Variants in PIR observed in about 807,000 individuals in gnomAD.
PIR encodes pirin (iron-binding nuclear protein).
PIR carries 22 observed loss-of-function variants against 24.2 expected under a neutral mutation model. The ratio of observed to expected loss-of-function variants is 0.91; its 90% confidence interval spans 0.65 to 1.30. PIR has a LOEUF of 1.30. Ranked by LOEUF, PIR falls within the 50% of genes most tolerant of loss-of-function variation. The pLI, the probability that PIR is intolerant of heterozygous loss-of-function variation, is 0.00. For synonymous variants in PIR, 80 were observed against 79.6 expected (o/e 1.00, Z -0.03); for missense variants, 220 against 220.3 (o/e 1.00, Z 0.01).
intron 5 of PIR, among the ~76,000 whole-genome samples, chrX:15,440,621 A>G (rs141919496): frequency 0.023 from 2,555 of 111,618 alleles, 25 homozygotes; most frequent in Non-Finnish European, 0.038. Flanking sequence ...CATCCTTGCC[A>G]GCACTTCACA....
rs1343063780 is a variant in PIR at position 15,407,527 on chromosome X, T to C, written c.589A>G (p.Ile197Val). 44 of 1,202,539 alleles carry C rather than the reference T, an allele frequency of 3.7e-5. No homozygotes were observed. In the East Asian group the frequency reaches 3.8e-4, roughly 10 times the overall value. ...TTACCAATATACACATCTCCAGATA[T>C]CGTGTAAATGAAGCTTGTCCACCCT... ...PKGWTSFIYT[I>V]SGDVYIGPDD... The change falls in exon 7 of 10, where the codon ATA becomes GTA. Residue 197 changes from isoleucine to valine, a missense_variant. Coordinates refer to ENST00000380420, the MANE Select transcript of PIR (RefSeq NM_001018109.3).
chrX:15,465,020 C>T (rs942865145), intron 3 of PIR, among the ~76,000 whole-genome samples: 1 of 111,440 alleles, frequency 9.0e-6, no homozygotes, highest in African/African-American at 3.3e-5. Flanking sequence ...AAGTGGACAT[C>T]AAGATTTTTT....
At chrX:15,442,301 C>T (rs1925941633) in intron 5 of PIR, among the ~76,000 whole-genome samples, 1 of 111,152 alleles carries the variant, frequency 9.0e-6, no homozygotes, top group South Asian at 3.8e-4. Context: ...CGACATAAGA[C>T]ACATCGAACT....
intron 2 of PIR, among the ~76,000 whole-genome samples, chrX:15,486,337 C>T (rs1476275653): frequency 1.2e-5 from 1 of 81,006 alleles, no homozygotes; most frequent in African/African-American, 5.2e-5. Flanking sequence ...CTTGTGGCCA[C>T]CACCCCTCAG....
chrX:15,393,441 A>C (rs931051947), intron 8 of PIR, among the ~76,000 whole-genome samples: 6 of 111,460 alleles, frequency 5.4e-5, no homozygotes, highest in African/African-American at 2.0e-4. Context: ...TCTGAGTATG[A>C]ATCTAAGGCA....
chrX:15,395,435 C>T (rs144257814), intron 8 of PIR, among the ~76,000 whole-genome samples: 1,690 of 111,615 alleles, frequency 0.015, 31 homozygotes, highest in African/African-American at 0.053. Flanking sequence ...AACCTATAGA[C>T]AATATGGAAA....
rs201327459 is a variant in PIR at position 15,491,233 on chromosome X, G to C, written c.25C>G (p.Leu9Val). Residue 9 changes from leucine (L) to valine (V), a missense_variant, in exon 2 of 10, where the codon CTC (leucine) becomes GTC (valine). Physicochemically the swap from Leu to Val is conservative, Grantham distance 32. Coordinates refer to ENST00000380420, the MANE Select transcript of PIR (RefSeq NM_001018109.3). Reference sequence around the variant, plus strand: ...GACTGCTCCCGGCTGAGCACTGAGAGAGTAACTTTCTTGGAGGACCCCATA... The same window carrying C: ...GACTGCTCCCGGCTGAGCACTGAGACAGTAACTTTCTTGGAGGACCCCATA... The part of the protein sequence containing the change: MGSSKKVT[L>V]SVLSREQSEG... The C allele has an allele frequency of 2.5e-6, 3 of 1,202,497 alleles. No individual in the cohort carries two copies. In the East Asian group the frequency reaches 8.9e-5, roughly 36 times the overall value.
intron 8 of PIR, among the ~76,000 whole-genome samples, chrX:15,392,716 T>C (rs1358302857): frequency 1.8e-5 from 2 of 112,119 alleles, no homozygotes; most frequent in Non-Finnish European, 3.8e-5. Context: ...AGCTGATGTT[T>C]TGATCACTTC....
chrX:15,481,493 A>G (rs1192469385), intron 2 of PIR, among the ~76,000 whole-genome samples: 1 of 112,168 alleles, frequency 8.9e-6, no homozygotes, highest in African/African-American at 3.2e-5. Flanking sequence ...ATGTTTCCTC[A>G]ATAGAACCAT....
chrX:15,445,820 C>CTTTTT (rs1192838504), intron 5 of PIR, among the ~76,000 whole-genome samples: 7 of 64,921 alleles, frequency 1.1e-4, no homozygotes, highest in African/African-American at 2.0e-4. Context: ...CAAGATATTT[C>CTTTTT]TTTTTTTTTT....
At chrX:15,420,866 T>C (rs1365507005) in intron 6 of PIR, among the ~76,000 whole-genome samples, 2 of 111,461 alleles carry the variant, frequency 1.8e-5, no homozygotes, top group East Asian at 5.6e-4. Context: ...AGGAGCTATA[T>C]AAGTAAACTG....
rs768003925 is a variant in PIR at position 15,434,341 on chromosome X, A to G, written c.481-8351T>C. Among the ~76,000 whole-genome samples, 3 of 105,331 alleles carry G rather than the reference A, an allele frequency of 2.8e-5. No individual in the cohort carries two copies. In the South Asian group the frequency reaches 1.5e-3, roughly 52 times the overall value. The allele number at this position is 105,331 out of a possible 115,157, so 91.5% of individuals were successfully genotyped here. ...GGAGAAAGAAGAAGGAGGAACGAGA[A>G]AAAGGAGGGGGAAGGAGAAAGAAGG... On this transcript the variant is annotated intron_variant, in intron 5 of 9. Transcript: ENST00000380420.
At chrX:15,400,406 T>C (rs992603818) in intron 7 of PIR, among the ~76,000 whole-genome samples, 1 of 112,048 alleles carries the variant, frequency 8.9e-6, no homozygotes, top group African/African-American at 3.2e-5. Flanking sequence ...TCCTGGCCCA[T>C]AATTTTGTCA....
intron 2 of PIR, among the ~76,000 whole-genome samples, chrX:15,490,442 G>C (rs967012847): frequency 8.9e-6 from 1 of 111,765 alleles, no homozygotes; most frequent in Admixed American, 9.5e-5. Flanking sequence ...TCTTCTATTA[G>C]AAAATGTTTT....
Position 15,466,006 on chromosome X carries a change from GTTTTTT to G in PIR, c.190-6272_190-6267del, listed in dbSNP as rs200803758. ...TTCCATTTGCTTTAAAATGGTGGCT[GTTTTTT>G]TTTTTTTTTTTTTTTTGTCTACTAG... On this transcript the variant is annotated intron_variant, in intron 3 of 9. Coordinates refer to ENST00000380420, the MANE Select transcript of PIR (RefSeq NM_001018109.3). 1.1e-3 allele frequency among the ~76,000 whole-genome samples: 67 copies of G among 63,087 alleles called. 1 individual carries two copies. In the East Asian group the frequency reaches 0.022, roughly 20 times the overall value. The allele number at this position is 63,087 out of a possible 115,157, so 54.8% of individuals were successfully genotyped here.
At chrX:15,420,644 C>T (rs1192776454) in intron 6 of PIR, among the ~76,000 whole-genome samples, 1 of 111,466 alleles carries the variant, frequency 9.0e-6, no homozygotes, top group Non-Finnish European at 1.9e-5. Flanking sequence ...TAGCTAAATA[C>T]ATCATAGTAT....
chrX:15,397,637 G>T, intron 7 of PIR, 106 bp from the exon 8 acceptor site: 4 of 488,936 alleles, frequency 8.2e-6, no homozygotes, highest in Non-Finnish European at 1.4e-5. Context: ...TTTAATTTGA[G>T]AAATAATGGA....
intron 7 of PIR, among the ~76,000 whole-genome samples, chrX:15,402,742 T>C (rs1445120868): frequency 2.7e-5 from 3 of 110,432 alleles, no homozygotes; most frequent in East Asian, 2.8e-4. Flanking sequence ...TGAGTTCATA[T>C]TGTTTTGATC....
intron 3 of PIR, among the ~76,000 whole-genome samples, chrX:15,472,971 AAAAAG>A (rs1173972681): frequency 5.3e-5 from 6 of 112,386 alleles, no homozygotes; most frequent in African/African-American, 1.9e-4. Flanking sequence ...AAGCCATTTA[AAAAAG>A]AAAAAAGGCA....
Sources: allele counts gnomAD v4.1 joint callset (sites outside exome capture counted in the v4.1 genomes callset), GRCh38; gene constraint gnomAD v4.1.1; transcripts MANE v1.5; gene names NCBI Gene and HGNC (gene_info 2026-07-23, HGNC 2026-07-21).